The following NCAM2 variants were observed in gnomAD, a reference collection of about 807,000 sequenced individuals.
NCAM2 encodes N-CAM-2.
Under a neutral mutation model 98.1 loss-of-function variants are expected in NCAM2, and 30 were observed. That is an observed-to-expected ratio of 0.31 (90% confidence interval 0.23 to 0.41). NCAM2 has a LOEUF of 0.41. Among genes scored for constraint, NCAM2 ranks in the 10% least tolerant of loss-of-function variants. The pLI, the probability that NCAM2 is intolerant of heterozygous loss-of-function variation, is 1.00. For missense variants in NCAM2, 867 were observed against 1,005.8 expected, an observed-to-expected ratio of 0.86 and a Z score of 1.87; for synonymous variants, 368 against 342.4, an observed-to-expected ratio of 1.07 and a Z score of -0.83.
chr21:21,298,600 T>C lies in NCAM2; in HGVS notation c.619+6359T>C, dbSNP rs1019982359. On this transcript the variant is annotated intron_variant, in intron 5 of 17. Transcript: ENST00000400546. Reference sequence around the variant, plus strand: ...GAAATGATAGATACAGATAGATAGATAGATAGATAGATAGATAGATAGATA... The same window carrying C: ...GAAATGATAGATACAGATAGATAGACAGATAGATAGATAGATAGATAGATA... Among the ~76,000 whole-genome samples, 24 of 53,878 alleles carry C rather than the reference T, an allele frequency of 4.5e-4. 1 individual carries two copies. The highest frequency in any genetic ancestry group is 2.3e-3 in the South Asian group (3 of 1,298). The allele number at this position is 53,878 out of a possible 152,430, so 35.3% of individuals were successfully genotyped here.
At chr21:21,136,351 G>T (rs955866644) in intron 1 of NCAM2, among the ~76,000 whole-genome samples, 1 of 152,152 alleles carries the variant, frequency 6.6e-6, no homozygotes, top group African/African-American at 2.4e-5. Flanking sequence ...AGAAACACTG[G>T]TGAGCAACAC....
chr21:21,212,275 T>C (rs566383263), intron 1 of NCAM2, among the ~76,000 whole-genome samples: 1 of 152,318 alleles, frequency 6.6e-6, no homozygotes, highest in Non-Finnish European at 1.5e-5. Flanking sequence ...CCACGAATTA[T>C]GCAGAATGAA....
chr21:21,335,513 A>G lies in NCAM2; in HGVS notation c.746A>G (p.Lys249Arg). 6.3e-7 allele frequency: 1 copy of G among 1,590,374 alleles called. No homozygotes were observed. The highest frequency in any genetic ancestry group is 8.5e-7 in the Non-Finnish European group (1 of 1,170,210). The change falls in exon 7 of 18, where the codon AAG becomes AGG. Residue 249 changes from lysine (K) to arginine (R), a missense_variant. Physicochemically the swap from Lys to Arg is conservative, Grantham distance 26. Transcript: ENST00000400546. ...TCTTTTTTCTTCTTTAGGAATGGCAAGCTCATTGAAGAAAATGAGAAGTAC... is the reference window on the plus strand; with the variant it reads ...TCTTTTTTCTTCTTTAGGAATGGCAGGCTCATTGAAGAAAATGAGAAGTAC... The part of the protein sequence containing the change: ...EPAISWFRNG[K>R]LIEENEKYIL...
At chr21:21,438,367 T>G (rs1156874660) in intron 12 of NCAM2, among the ~76,000 whole-genome samples, 1 of 152,166 alleles carries the variant, frequency 6.6e-6, no homozygotes, top group African/African-American at 2.4e-5. Flanking sequence ...AAATTCTTAT[T>G]AATTTTACCT....
At chr21:21,271,679 A>G (rs1312558484) in intron 1 of NCAM2, among the ~76,000 whole-genome samples, 1 of 152,200 alleles carries the variant, frequency 6.6e-6, no homozygotes, top group Non-Finnish European at 1.5e-5. Flanking sequence ...TATGACTGAT[A>G]GGAATATTCA....
chr21:21,024,647 C>T (rs1350372345), intron 1 of NCAM2, among the ~76,000 whole-genome samples: 1 of 152,000 alleles, frequency 6.6e-6, no homozygotes, highest in African/African-American at 2.4e-5. Flanking sequence ...GAGGCCGAGG[C>T]GGATGATAAC....
chr21:21,211,053 C>T (rs1372493301), intron 1 of NCAM2, among the ~76,000 whole-genome samples: 1 of 150,262 alleles, frequency 6.7e-6, no homozygotes, highest in African/African-American at 2.5e-5. Context: ...TTTCCACCAG[C>T]AATTTATTTC....
intron 9 of NCAM2, among the ~76,000 whole-genome samples, chr21:21,396,348 A>C (rs745858448): frequency 1.8e-4 from 27 of 152,328 alleles, no homozygotes; most frequent in Non-Finnish European, 3.5e-4. Flanking sequence ...CAAAAAAATA[A>C]AAATACAATA....
intron 14 of NCAM2, among the ~76,000 whole-genome samples, chr21:21,475,379 C>T (rs1985034036): frequency 1.3e-5 from 2 of 152,046 alleles, no homozygotes; most frequent in Admixed American, 6.6e-5. Context: ...TTGCAAACTA[C>T]AACATGAGGG....
At chr21:21,183,996 T>A (rs1036438857) in intron 1 of NCAM2, among the ~76,000 whole-genome samples, 1 of 152,110 alleles carries the variant, frequency 6.6e-6, no homozygotes, top group East Asian at 1.9e-4. Flanking sequence ...CTAATAAGAA[T>A]TTACCAGAAT....
chr21:21,312,033 A>C (rs956289001), intron 5 of NCAM2, among the ~76,000 whole-genome samples: 2 of 152,130 alleles, frequency 1.3e-5, no homozygotes, highest in Non-Finnish European at 2.9e-5. Flanking sequence ...TTCTTTCAGC[A>C]TGAGGTTTAA....
chr21:21,306,288 T>G (rs189067165), intron 5 of NCAM2, among the ~76,000 whole-genome samples: 1 of 152,256 alleles, frequency 6.6e-6, no homozygotes, highest in Admixed American at 6.5e-5. Flanking sequence ...GTTTAAACTC[T>G]AATAAAATTA....
At chr21:21,126,236 TAAAAA>T (rs778070776) in intron 1 of NCAM2, among the ~76,000 whole-genome samples, 13 of 97,564 alleles carry the variant, frequency 1.3e-4, no homozygotes, top group Non-Finnish European at 7.7e-5. Context: ...TCATGGAACA[TAAAAA>T]AAAAAAAAAA....
chr21:21,438,283 A>G (rs78095117), intron 12 of NCAM2, among the ~76,000 whole-genome samples: 2,155 of 152,186 alleles, frequency 0.014, 28 homozygotes, highest in Non-Finnish European at 0.021. Context: ...GTGGACTGCA[A>G]TGCTATTTAA....
At chr21:21,234,866 G>A (rs2070757487) in intron 1 of NCAM2, among the ~76,000 whole-genome samples, 1 of 152,014 alleles carries the variant, frequency 6.6e-6, no homozygotes, top group African/African-American at 2.4e-5. Flanking sequence ...AAATTGTTCA[G>A]TAGATTCTTT....
At chr21:21,281,482 A>C (rs1222987445) in intron 2 of NCAM2, among the ~76,000 whole-genome samples, 1 of 152,160 alleles carries the variant, frequency 6.6e-6, no homozygotes, top group Non-Finnish European at 1.5e-5. Flanking sequence ...ATCATATGTC[A>C]TCATGCCTAT....
At chr21:21,286,198 T>A (rs2073092514) in intron 3 of NCAM2, 71 bp from the exon 4 acceptor site, 2 of 1,454,142 alleles carry the variant, frequency 1.4e-6, no homozygotes, top group Admixed American at 2.1e-5. Context: ...CTGGATTATG[T>A]TATTGGGAGA....
At chr21:21,469,580 A>G (rs1984165907) in intron 14 of NCAM2, among the ~76,000 whole-genome samples, 2 of 152,006 alleles carry the variant, frequency 1.3e-5, no homozygotes, top group Admixed American at 6.6e-5. Flanking sequence ...TATTAGTGCT[A>G]TCCAAATTAA....
intron 15 of NCAM2, among the ~76,000 whole-genome samples, chr21:21,501,617 C>CTTTTTTTTT (rs5842933): frequency 6.9e-6 from 1 of 143,992 alleles, no homozygotes; most frequent in Non-Finnish European, 1.5e-5. Flanking sequence ...ATTAATGTTC[C>CTTTTTTTTT]TTTTTTTTTT....
Sources: gnomAD v4.1 joint callset for allele counts (sites outside exome capture counted in the v4.1 genomes callset) on GRCh38, gnomAD v4.1.1 for gene constraint, MANE v1.5 for transcripts, NCBI Gene and HGNC (gene_info 2026-07-23, HGNC 2026-07-21) for gene names.